The following GOLM2 variants were observed in gnomAD, a reference collection of about 807,000 sequenced individuals.
GOLM2 encodes the protein protein GOLM2.
Under a neutral mutation model 55.9 loss-of-function variants are expected in GOLM2, and 26 were observed. That is an observed-to-expected ratio of 0.47 (90% confidence interval 0.34 to 0.65). The LOEUF (loss-of-function observed/expected upper bound fraction) is 0.65. Among genes scored for constraint, GOLM2 ranks in the 30% least tolerant of loss-of-function variants. The pLI is 0.01. For synonymous variants in GOLM2, 165 were observed against 194.6 expected (o/e 0.85, Z 1.27); for missense variants, 486 against 531.8 (o/e 0.91, Z 0.85).
At chr15:44,371,917 T>C (rs1306102483) in intron 6 of GOLM2, among the ~76,000 whole-genome samples, 1 of 152,198 alleles carries the variant, frequency 6.6e-6, no homozygotes, top group Non-Finnish European at 1.5e-5. Context: ...CCAGTATGTA[T>C]TAATCACCAA....
At chr15:44,294,939 G>A (rs148750802) in intron 1 of GOLM2, among the ~76,000 whole-genome samples, 13 of 151,414 alleles carry the variant, frequency 8.6e-5, no homozygotes, top group Admixed American at 2.6e-4. Context: ...AGATATGCTC[G>A]TTGCTACTAT....
At chr15:44,317,234 G>C (rs938943912) in intron 1 of GOLM2, among the ~76,000 whole-genome samples, 3 of 149,422 alleles carry the variant, frequency 2.0e-5, no homozygotes, top group African/African-American at 7.4e-5. Context: ...AAAATTATCT[G>C]GGCGTGGTAG....
intron 1 of GOLM2, among the ~76,000 whole-genome samples, chr15:44,305,609 T>C (rs2078831880): frequency 6.6e-6 from 1 of 152,176 alleles, no homozygotes; most frequent in Admixed American, 6.5e-5. Flanking sequence ...CTACAAATGT[T>C]CTTAATGGCA....
chr15:44,395,765 A>G (rs2141207664), intron 8 of GOLM2, among the ~76,000 whole-genome samples: 1 of 152,146 alleles, frequency 6.6e-6, no homozygotes, highest in East Asian at 1.9e-4. Context: ...GCTTGAACCC[A>G]GGAGGCAGAA....
At chr15:44,345,685 C>T (rs1181929754) in intron 6 of GOLM2, among the ~76,000 whole-genome samples, 2 of 151,966 alleles carry the variant, frequency 1.3e-5, no homozygotes, top group African/African-American at 4.8e-5. Context: ...TTTAAAAATC[C>T]AATCAGTCCC....
chr15:44,402,752 CA>C, intron 8 of GOLM2, 134 bp from the exon 9 acceptor site: 2 of 679,826 alleles, frequency 2.9e-6, no homozygotes, highest in Non-Finnish European at 2.4e-6. Flanking sequence ...ATAACCTTCA[CA>C]AAATGTATCC....
chr15:44,388,374 T>C (rs950833475), intron 8 of GOLM2, among the ~76,000 whole-genome samples: 3 of 152,078 alleles, frequency 2.0e-5, no homozygotes, highest in Non-Finnish European at 4.4e-5. Flanking sequence ...TATTTTATTT[T>C]AGTTATTTAA....
rs1227166832 is a variant in GOLM2 at position 44,387,443 on chromosome 15, AGACTTCTT to A, written c.1072+6469_1072+6476del. 12 of 152,076 alleles carry A rather than the reference AGACTTCTT, an allele frequency of 7.9e-5. 1 individual carries two copies. Among genetic ancestry groups the A allele is most frequent in the Admixed American group, 7.9e-4 (12 of 15,252 alleles). The allele number at this position is 152,076 out of a possible 1,614,324, so 9.4% of individuals were successfully genotyped here. A position where few individuals can be genotyped will look rare whatever the true frequency, so the allele number is the denominator to read the frequency against. On this transcript the variant is annotated intron_variant, in intron 8 of 9. Coordinates refer to ENST00000299957, the MANE Select transcript of GOLM2 (RefSeq NM_138423.4). ...GAACTGTTTTCTTAATTTTCCTTTT[AGACTTCTT>A]GCTAGTGCATATAAATATGACTGAT...
chr15:44,302,831 G>T (rs1348399831), intron 1 of GOLM2, among the ~76,000 whole-genome samples: 2 of 152,100 alleles, frequency 1.3e-5, no homozygotes, highest in South Asian at 4.1e-4. Context: ...TAGGCTGGGC[G>T]CAGTGGCTTA....
chr15:44,357,365 T>C (rs568629224), intron 6 of GOLM2, among the ~76,000 whole-genome samples: 69 of 152,202 alleles, frequency 4.5e-4, no homozygotes, highest in African/African-American at 1.6e-3. Flanking sequence ...TCATTCATGA[T>C]AAAAACACAG....
intron 3 of GOLM2, among the ~76,000 whole-genome samples, chr15:44,329,725 C>T (rs945649252): frequency 6.6e-6 from 1 of 151,704 alleles, no homozygotes; most frequent in Non-Finnish European, 1.5e-5. Context: ...ATAGTGAGAC[C>T]TCTGTCTCTG....
chr15:44,326,729 G>A (rs2078984208), intron 2 of GOLM2, among the ~76,000 whole-genome samples: 1 of 146,480 alleles, frequency 6.8e-6, no homozygotes, highest in Non-Finnish European at 1.5e-5. Flanking sequence ...TCGGTTTGCT[G>A]TAACCTCCGC....
At chr15:44,302,249 A>AT (rs1373562290) in intron 1 of GOLM2, among the ~76,000 whole-genome samples, 1 of 149,606 alleles carries the variant, frequency 6.7e-6, no homozygotes, top group Non-Finnish European at 1.5e-5. Flanking sequence ...GGTTCAAGCG[A>AT]TTCTCCTGCC....
intron 1 of GOLM2, among the ~76,000 whole-genome samples, chr15:44,305,348 G>A (rs1196329463): frequency 1.3e-5 from 2 of 151,788 alleles, no homozygotes; most frequent in East Asian, 3.9e-4. Context: ...CACTTAGGCT[G>A]GAGTGCAGTG....
intron 9 of GOLM2, among the ~76,000 whole-genome samples, chr15:44,411,659 G>A (rs2079639433): frequency 6.6e-6 from 1 of 151,768 alleles, no homozygotes; most frequent in South Asian, 2.1e-4. Flanking sequence ...GGCCAACATG[G>A]TGAAACTAAA....
chr15:44,333,284 A>G lies in GOLM2; in HGVS notation c.576+1206A>G, dbSNP rs1721307325. On this transcript the variant is annotated intron_variant, in intron 4 of 9. Transcript: ENST00000299957. ...TACCTAACCAGGCATGATTTTTATGAACTCTTGTGATTTAAAGGAAAAAAA... is the reference window on the plus strand; with the variant it reads ...TACCTAACCAGGCATGATTTTTATGGACTCTTGTGATTTAAAGGAAAAAAA... Among the ~76,000 whole-genome samples the G allele has an allele frequency of 2.0e-5, 3 of 152,274 alleles. No homozygotes were observed. The South Asian group carries it at 6.2e-4, about 32-fold the overall frequency.
chr15:44,405,370 C>T (rs1474970341), intron 9 of GOLM2: 1 of 152,130 alleles, frequency 6.6e-6, no homozygotes, highest in African/African-American at 2.4e-5. Flanking sequence ...CTCATTCTGG[C>T]ATTCTCTAGA....
intron 8 of GOLM2, among the ~76,000 whole-genome samples, chr15:44,388,871 A>C (rs552601996): frequency 6.6e-6 from 1 of 151,858 alleles, no homozygotes; most frequent in Admixed American, 6.6e-5. Flanking sequence ...GCTGGAGTGC[A>C]GTGGCGTGAT....
chr15:44,316,522 G>A lies in GOLM2; in HGVS notation c.328-6443G>A, dbSNP rs192432695. Among the ~76,000 whole-genome samples, 126 of 152,220 alleles carry A rather than the reference G, an allele frequency of 8.3e-4. No homozygotes were observed. In the East Asian group the frequency reaches 9.9e-3, roughly 12 times the overall value. ...TGTAATCCCAGCACTTTGGGAGGCC[G>A]AGGCAGCCAAATCACGAGGTCAGGA... On this transcript the variant is annotated intron_variant, in intron 1 of 9. Transcript: ENST00000299957.
Sources: allele counts gnomAD v4.1 joint callset (sites outside exome capture counted in the v4.1 genomes callset), GRCh38; gene constraint gnomAD v4.1.1; transcripts MANE v1.5; gene names NCBI Gene and HGNC (gene_info 2026-07-23, HGNC 2026-07-21).